Variants in NPIPB8 observed in about 807,000 individuals in gnomAD.
NPIPB8 encodes the protein nuclear pore complex interacting protein family member B8, also known as nuclear pore complex-interacting protein family member B8.
In NPIPB8, 3 loss-of-function variants were observed where a neutral mutation model predicts 5.3. That is an observed-to-expected ratio of 0.57 (90% CI 0.26 to 1.47). The LOEUF (loss-of-function observed/expected upper bound fraction) is 1.47, where lower values mean the gene tolerates loss of function less well. NPIPB8 is among the 40% of genes most tolerant of loss of function. The pLI, the probability that NPIPB8 is intolerant of heterozygous loss-of-function variation, is 0.13. For missense variants in NPIPB8, 50 were observed against 50.2 expected, an observed-to-expected ratio of 1.00 and a Z score of 0.01; for synonymous variants, 18 against 23.0, an observed-to-expected ratio of 0.78 and a Z score of 0.62.
At chr16:28,651,015 T>C (rs1265467526) in intron 3 of NPIPB8, among the ~76,000 whole-genome samples, 25 of 103,558 alleles carry the variant, frequency 2.4e-4, no homozygotes, top group Admixed American at 3.5e-4. Flanking sequence ...AGACGGAGTC[T>C]CACTCTGTCA....
chr16:28,639,464 T>A (rs1367222742), intron 2 of NPIPB8, among the ~76,000 whole-genome samples: 76 of 143,778 alleles, frequency 5.3e-4, no homozygotes, highest in East Asian at 1.6e-3. Flanking sequence ...TATTTTTTTT[T>A]TTTTTTTTTT....
chr16:28,652,565 G>A lies in NPIPB8; in HGVS notation c.599+201G>A, dbSNP rs368445656. Among the ~76,000 whole-genome samples, 143 of 99,660 alleles carry A rather than the reference G, an allele frequency of 1.4e-3. 2 individuals are homozygous for A. Among genetic ancestry groups the A allele is most frequent in the South Asian group, 4.9e-3 (17 of 3,450 alleles). 65.4% of individuals were successfully genotyped at this position (99,660 alleles called of 152,430 possible). Reference sequence around the variant, plus strand: ...ACATTCTTGTTTGTAATTTTTTCGGGGGAAGAGGAGTTGCTAGTACTGGCA... The same window carrying A: ...ACATTCTTGTTTGTAATTTTTTCGGAGGAAGAGGAGTTGCTAGTACTGGCA... On this transcript the variant is annotated intron_variant, in intron 5 of 7. Coordinates refer to ENST00000683297, the MANE Select transcript of NPIPB8 (RefSeq NM_001310136.2).
chr16:28,640,033 A>T (rs1021382310), intron 2 of NPIPB8, among the ~76,000 whole-genome samples: 1 of 151,408 alleles, frequency 6.6e-6, no homozygotes, highest in East Asian at 1.9e-4. Context: ...CTGCAACCTG[A>T]GATGGTATAG....
At chr16:28,642,425 C>T (rs2047916748) in intron 2 of NPIPB8, among the ~76,000 whole-genome samples, 1 of 150,806 alleles carries the variant, frequency 6.6e-6, no homozygotes. Flanking sequence ...CGGAACATGG[C>T]TGCAGCATAT....
chr16:28,645,062 TAGAC>T (rs1417216216), intron 2 of NPIPB8, among the ~76,000 whole-genome samples: 3 of 109,344 alleles, frequency 2.7e-5, no homozygotes, highest in African/African-American at 1.2e-4. Flanking sequence ...TTTTTTTTTT[TAGAC>T]AGAGTCTCAT....
At chr16:28,638,186 G>A in intron 1 of NPIPB8, 36 bp downstream of exon 1, 1 of 962,492 alleles carries the variant, frequency 1.0e-6, no homozygotes, top group Non-Finnish European at 1.5e-6. Context: ...ATGGCATGAA[G>A]TAGAAATTCA....
chr16:28,639,458 T>TA (rs1336206139), intron 2 of NPIPB8, among the ~76,000 whole-genome samples: 1 of 125,310 alleles, frequency 8.0e-6, no homozygotes, highest in African/African-American at 3.1e-5. Flanking sequence ...TATATATATT[T>TA]TTTTTTTTTT....
intron 2 of NPIPB8, among the ~76,000 whole-genome samples, chr16:28,639,784 A>G (rs1485241834): frequency 6.6e-6 from 1 of 150,848 alleles, no homozygotes; most frequent in Admixed American, 6.6e-5. Context: ...ATATACTATG[A>G]AGAGAAAAAC....
rs2047964511 is a variant in NPIPB8, at chr16:28,644,562, C to A, written c.121-3573C>A. On this transcript the variant is annotated intron_variant, in intron 2 of 7. Transcript: ENST00000683297. ...GCCACCTCCACCTCTGTCCTGGACACCTCAGGGCGCCCTGAAAGGACCAGG... is the reference window on the plus strand; with the variant it reads ...GCCACCTCCACCTCTGTCCTGGACAACTCAGGGCGCCCTGAAAGGACCAGG... 5 of 1,519,478 alleles carry A rather than the reference C, an allele frequency of 3.3e-6. No homozygotes were observed. In the Admixed American group the frequency reaches 5.7e-5, roughly 17 times the overall value. The allele number at this position is 1,519,478 out of a possible 1,614,324, so 94.1% of individuals were successfully genotyped here. A position where few individuals can be genotyped will look rare whatever the true frequency, so the allele number is the denominator to read the frequency against.
chr16:28,641,870 A>G (rs2047902291), intron 2 of NPIPB8, among the ~76,000 whole-genome samples: 1 of 130,756 alleles, frequency 7.6e-6, no homozygotes, highest in East Asian at 2.1e-4. Context: ...AGGGAGGTTG[A>G]TCCTGGCTTT....
At chr16:28,643,626 A>G (rs1436935696) in intron 2 of NPIPB8, among the ~76,000 whole-genome samples, 2 of 136,810 alleles carry the variant, frequency 1.5e-5, no homozygotes, top group Non-Finnish European at 3.2e-5. Flanking sequence ...GATTTGCTGG[A>G]ACAAAATAAG....
chr16:28,640,392 A>G (rs938526400), intron 2 of NPIPB8, among the ~76,000 whole-genome samples: 1 of 152,200 alleles, frequency 6.6e-6, no homozygotes, highest in African/African-American at 2.4e-5. Context: ...AGCAGCCTCC[A>G]TATAGGAGCT....
intron 2 of NPIPB8, chr16:28,644,563 C>A: frequency 1.3e-6 from 2 of 1,526,932 alleles, no homozygotes; most frequent in Non-Finnish European, 8.8e-7. Flanking sequence ...TCCTGGACAC[C>A]TCAGGGCGCC....
chr16:28,644,353 C>A (rs1418568731), intron 2 of NPIPB8, among the ~76,000 whole-genome samples: 68 of 115,692 alleles, frequency 5.9e-4, no homozygotes, highest in African/African-American at 2.5e-3. Context: ...TTCTTCTTCT[C>A]CTCCTCCTCC....
intron 2 of NPIPB8, among the ~76,000 whole-genome samples, chr16:28,640,959 T>C (rs1014710853): frequency 6.6e-6 from 1 of 152,092 alleles, no homozygotes; most frequent in African/African-American, 2.4e-5. Flanking sequence ...ATCCAGGCAC[T>C]GTCTTTCCTG....
rs1192043848 is a variant in NPIPB8, at chr16:28,643,989, G to C, written c.121-4146G>C. Among the ~76,000 whole-genome samples, 4 of 66,984 alleles carry C rather than the reference G, an allele frequency of 6.0e-5. No homozygotes were observed. In the South Asian group the frequency reaches 1.9e-3, roughly 31 times the overall value. The allele number at this position is 66,984 out of a possible 152,430, so 43.9% of individuals were successfully genotyped here. ...TTGGGGAGGACCAGAAATCAGGTTT[G>C]TGAAGGTTCCAGAGAGGACCTGTCC... is the stretch of plus-strand genomic sequence containing the variant. On this transcript the variant is annotated intron_variant, in intron 2 of 7. Transcript: ENST00000683297.
Position 28,644,591 on chromosome 16 carries a change from T to G in NPIPB8, c.121-3544T>G, listed in dbSNP as rs761771293. On this transcript the variant is annotated intron_variant, in intron 2 of 7. Coordinates refer to ENST00000683297, the MANE Select transcript of NPIPB8 (RefSeq NM_001310136.2). The stretch of plus-strand genomic sequence containing the variant: ...AGGGCGCCCTGAAAGGACCAGGACA[T>G]GCGGCTGCGCTTTTGGCTCCTCATT... The G allele has an allele frequency of 2.9e-6, 4 of 1,367,986 alleles. No homozygotes were observed. The South Asian group carries it at 4.8e-5, about 16-fold the overall frequency. 84.7% of individuals were successfully genotyped at this position (1,367,986 alleles called of 1,614,324 possible).
At chr16:28,652,900 G>GC in intron 5 of NPIPB8, among the ~76,000 whole-genome samples, 1 of 118,172 alleles carries the variant, frequency 8.5e-6, no homozygotes, top group South Asian at 2.7e-4. Flanking sequence ...CCACACCCAG[G>GC]CTTTTTTTTT....
chr16:28,640,187 C>A (rs1368016450), intron 2 of NPIPB8, among the ~76,000 whole-genome samples: 1 of 151,914 alleles, frequency 6.6e-6, no homozygotes, highest in East Asian at 1.9e-4. Context: ...TAGTCTGCAT[C>A]ACAGAGTGTG....
Sources: gnomAD v4.1 joint callset for allele counts (sites outside exome capture counted in the v4.1 genomes callset) on GRCh38, gnomAD v4.1.1 for gene constraint, MANE v1.5 for transcripts, NCBI Gene and HGNC (gene_info 2026-07-23, HGNC 2026-07-21) for gene names.